GRAMD1B: variants seen among roughly 807,000 people sequenced by gnomAD.
GRAMD1B encodes protein Aster-B.
GRAMD1B carries 37 observed loss-of-function variants against 99.7 expected under a neutral mutation model. The ratio of observed to expected loss-of-function variants is 0.37; its 90% CI spans 0.29 to 0.49. GRAMD1B has a LOEUF of 0.49. GRAMD1B is among the 20% of genes least tolerant of loss of function. The probability of loss-of-function intolerance (pLI) is 0.98; values close to 1 mark genes in which losing one functional copy is unlikely to be tolerated. For missense variants in GRAMD1B, 888 were observed against 1,009.2 expected (o/e 0.88, Z 1.63); for synonymous variants, 427 against 387.6 (o/e 1.10, Z -1.19).
intron 7 of GRAMD1B, chr11:123,598,622 G>A: frequency 7.1e-7 from 1 of 1,413,378 alleles, no homozygotes; most frequent in Non-Finnish European, 1.0e-6. Flanking sequence ...GCTCTTCTGG[G>A]ATCCTGCCAC....
At chr11:123,532,902 C>T (rs138696924) in intron 2 of GRAMD1B, among the ~76,000 whole-genome samples, 24 of 152,274 alleles carry the variant, frequency 1.6e-4, no homozygotes, top group African/African-American at 5.3e-4. Flanking sequence ...CATTTATTAT[C>T]GAGCCCTTTA....
At chr11:123,410,260 A>G (rs1947996197) in intron 1 of GRAMD1B, among the ~76,000 whole-genome samples, 1 of 152,146 alleles carries the variant, frequency 6.6e-6, no homozygotes, top group Non-Finnish European at 1.5e-5. Context: ...AAACAAACAA[A>G]AAAACCAGAT....
At chr11:123,475,290 G>A (rs959772995) in intron 1 of GRAMD1B, among the ~76,000 whole-genome samples, 60 of 152,314 alleles carry the variant, frequency 3.9e-4, no homozygotes, top group African/African-American at 1.3e-3. Flanking sequence ...TCAGATTCCT[G>A]TGGATTTTTC....
chr11:123,453,681 T>C (rs1336638781), intron 1 of GRAMD1B, among the ~76,000 whole-genome samples: 1 of 152,230 alleles, frequency 6.6e-6, no homozygotes, highest in African/African-American at 2.4e-5. Context: ...TTTTTGGTCC[T>C]GGAATACTGA....
intron 1 of GRAMD1B, among the ~76,000 whole-genome samples, chr11:123,478,597 G>A (rs978963907): frequency 2.0e-5 from 3 of 152,168 alleles, no homozygotes; most frequent in African/African-American, 2.4e-5. Flanking sequence ...CATCTAGTGG[G>A]TAAACTTGCA....
chr11:123,430,048 C>T (rs960897481), upstream of GRAMD1B, among the ~76,000 whole-genome samples: 1 of 151,968 alleles, frequency 6.6e-6, no homozygotes, highest in Non-Finnish European at 1.5e-5. Context: ...CCTGGCCAAT[C>T]GTTGCCCTGA....
intron 2 of GRAMD1B, among the ~76,000 whole-genome samples, chr11:123,570,706 G>A (rs1947982758): frequency 6.6e-6 from 1 of 152,142 alleles, no homozygotes; most frequent in Non-Finnish European, 1.5e-5. Context: ...TTACAGGTGT[G>A]AGCCACGGCA....
rs373504092 is a variant in GRAMD1B, at chr11:123,392,130, G to A, written c.-176+33331G>A. Among the ~76,000 whole-genome samples, 24 of 152,208 alleles carry A rather than the reference G, an allele frequency of 1.6e-4. No homozygotes were observed. The East Asian group carries it at 3.5e-3, about 22-fold the overall frequency. The stretch of plus-strand genomic sequence containing the variant: ...CAGCGAAGACAATGACCCGGAGTTA[G>A]GAAGGAGTGTGGTACACTTGAAGAA... On this transcript the variant is annotated intron_variant, in intron 1 of 20. Coordinates refer to the GRAMD1B transcript ENST00000638157.
Position 123,622,731 on chromosome 11 carries a change from G to C in GRAMD1B, c.*136G>C. On this transcript the variant is annotated 3_prime_UTR_variant, in exon 20 of 20. Transcript: ENST00000635736. ...ATACAGATTTTAAAAAAGAGATAAT[G>C]CCTATGTACCAGGGAGAAGGAGCGG... 1 of 222,054 alleles carries C rather than the reference G, an allele frequency of 4.5e-6. No individual in the cohort carries two copies. Among genetic ancestry groups the C allele is most frequent in the East Asian group, 1.0e-4 (1 of 9,666 alleles). The allele number at this position is 222,054 out of a possible 1,614,324, so 13.8% of individuals were successfully genotyped here. A position where few individuals can be genotyped will look rare whatever the true frequency, so the allele number is the denominator to read the frequency against.
At chr11:123,564,066 G>A (rs1794173) in intron 2 of GRAMD1B, among the ~76,000 whole-genome samples, 80,861 of 152,066 alleles carry the variant, frequency 0.53, 21,747 homozygotes, top group East Asian at 0.71. Flanking sequence ...GTGAGGTCAG[G>A]GGAGGAGCGA....
intron 1 of GRAMD1B, among the ~76,000 whole-genome samples, chr11:123,411,853 T>C (rs930944806): frequency 6.6e-6 from 1 of 152,124 alleles, no homozygotes; most frequent in African/African-American, 2.4e-5. Flanking sequence ...TTTTGCCATA[T>C]TGTCAGGCTG....
intron 2 of GRAMD1B, among the ~76,000 whole-genome samples, chr11:123,547,818 G>T (rs1188054638): frequency 6.6e-6 from 1 of 152,174 alleles, no homozygotes; most frequent in Non-Finnish European, 1.5e-5. Context: ...GGTGGGATTA[G>T]TACATTCCTT....
At chr11:123,401,025 A>G (rs1223446057) in intron 1 of GRAMD1B, among the ~76,000 whole-genome samples, 1 of 152,180 alleles carries the variant, frequency 6.6e-6, no homozygotes, top group African/African-American at 2.4e-5. Context: ...CTCTAACAAT[A>G]TGCCAGTCAT....
intron 1 of GRAMD1B, among the ~76,000 whole-genome samples, chr11:123,360,515 G>T (rs886435724): frequency 6.6e-6 from 1 of 152,142 alleles, no homozygotes; most frequent in African/African-American, 2.4e-5. Flanking sequence ...AAGGGCGTGT[G>T]GTAGTTTTAG....
intron 2 of GRAMD1B, among the ~76,000 whole-genome samples, chr11:123,575,333 G>A (rs1010186161): frequency 1.3e-5 from 2 of 152,110 alleles, no homozygotes; most frequent in Admixed American, 6.5e-5. Flanking sequence ...AGATAGGCAT[G>A]TACTTGATTG....
chr11:123,490,845 G>C (rs143602345), intron 2 of GRAMD1B, among the ~76,000 whole-genome samples: 1 of 152,316 alleles, frequency 6.6e-6, no homozygotes. Context: ...ACTAATTGAG[G>C]TGGATGCAGG....
chr11:123,451,485 T>C (rs1395318071), intron 1 of GRAMD1B, among the ~76,000 whole-genome samples: 1 of 152,246 alleles, frequency 6.6e-6, no homozygotes, highest in Non-Finnish European at 1.5e-5. Flanking sequence ...GTGTGTTGTA[T>C]CTGACATTAT....
chr11:123,573,928 C>T (rs574989931), intron 2 of GRAMD1B, among the ~76,000 whole-genome samples: 1 of 152,044 alleles, frequency 6.6e-6, no homozygotes, highest in Admixed American at 6.5e-5. Flanking sequence ...TCGTGTGGGG[C>T]GTGCAGAGGG....
At chr11:123,594,910 C>T (rs1424619450) in intron 6 of GRAMD1B, 72 bp downstream of exon 6, 2 of 794,882 alleles carry the variant, frequency 2.5e-6, no homozygotes, top group Non-Finnish European at 4.6e-6. Context: ...CGCTTTCTTC[C>T]TTTTGCTGAC....
Sources: allele counts gnomAD v4.1 joint callset (sites outside exome capture counted in the v4.1 genomes callset), GRCh38; gene constraint gnomAD v4.1.1; transcripts MANE v1.5; gene names NCBI Gene and HGNC (gene_info 2026-07-23, HGNC 2026-07-21).